Variants in FSTL5 observed in about 807,000 individuals in gnomAD.
FSTL5 encodes follistatin like 5.
Under a neutral mutation model 89.1 loss-of-function variants are expected in FSTL5, and 62 were observed. The observed-to-expected ratio is 0.70, with a 90% CI of 0.57 to 0.86. The LOEUF (loss-of-function observed/expected upper bound fraction) is 0.86. Ranked by LOEUF, FSTL5 falls within the 40% of genes least tolerant of loss-of-function variation. The pLI is 0.00. For missense variants in FSTL5, 1,057 were observed against 1,001.6 expected (o/e 1.06, Z -0.75); for synonymous variants, 383 against 346.2 (o/e 1.11, Z -1.18).
chr4:161,697,134 CT>C (rs1299746014), intron 6 of FSTL5, among the ~76,000 whole-genome samples: 1 of 152,200 alleles, frequency 6.6e-6, no homozygotes, highest in Admixed American at 6.5e-5. Flanking sequence ...TGTTGCCCAC[CT>C]AGGCATCTGT....
At chr4:161,521,848 C>CAAAAAA (rs11405532) in intron 10 of FSTL5, among the ~76,000 whole-genome samples, 4 of 58,158 alleles carry the variant, frequency 6.9e-5, no homozygotes, top group African/African-American at 1.9e-4. Flanking sequence ...GACTCCACCT[C>CAAAAAA]AAAAAAAAAA....
intron 1 of FSTL5, among the ~76,000 whole-genome samples, chr4:162,158,127 A>C (rs1377242981): frequency 6.6e-6 from 1 of 152,014 alleles, no homozygotes; most frequent in Non-Finnish European, 1.5e-5. Flanking sequence ...TATGAGTAGC[A>C]GTTGATACCA....
intron 4 of FSTL5, among the ~76,000 whole-genome samples, chr4:161,890,939 T>C (rs2110752397): frequency 6.6e-6 from 1 of 152,218 alleles, no homozygotes; most frequent in Non-Finnish European, 1.5e-5. Flanking sequence ...CAAAGGCAAC[T>C]AGTTTTAAAT....
chr4:162,136,330 A>G (rs1732520121), intron 1 of FSTL5, among the ~76,000 whole-genome samples: 1 of 152,078 alleles, frequency 6.6e-6, no homozygotes, highest in Non-Finnish European at 1.5e-5. Flanking sequence ...ATTAGAGGAA[A>G]AGGAGAGGAA....
At chr4:162,072,395 G>C (rs1729663782) in intron 2 of FSTL5, among the ~76,000 whole-genome samples, 1 of 151,596 alleles carries the variant, frequency 6.6e-6, no homozygotes, top group African/African-American at 2.4e-5. Context: ...ACAAAACAAA[G>C]TAATTTTAAA....
At chr4:161,573,694 T>C (rs1388962057) in intron 8 of FSTL5, among the ~76,000 whole-genome samples, 4 of 114,568 alleles carry the variant, frequency 3.5e-5, no homozygotes, top group African/African-American at 1.4e-4. Context: ...GATTGCACCA[T>C]TGCACTCCAG....
At chr4:162,052,808 A>G (rs543889978) in intron 2 of FSTL5, among the ~76,000 whole-genome samples, 1 of 151,838 alleles carries the variant, frequency 6.6e-6, no homozygotes, top group Non-Finnish European at 1.5e-5. Context: ...CTACTCTCTT[A>G]GTTTTCAAGT....
At chr4:161,577,870 A>T (rs1044661839) in intron 8 of FSTL5, among the ~76,000 whole-genome samples, 6 of 152,282 alleles carry the variant, frequency 3.9e-5, no homozygotes, top group East Asian at 3.9e-4. Flanking sequence ...ACTTAACTGA[A>T]AAAAGCAGAC....
intron 3 of FSTL5, among the ~76,000 whole-genome samples, chr4:161,944,300 G>A (rs1734676399): frequency 6.6e-6 from 1 of 151,492 alleles, no homozygotes; most frequent in South Asian, 2.1e-4. Context: ...TTCTGTGTTG[G>A]CCTCAGATTC....
chr4:161,902,204 ATCAGGTT>A (rs1186697173), intron 4 of FSTL5, among the ~76,000 whole-genome samples: 3 of 152,152 alleles, frequency 2.0e-5, no homozygotes, highest in Non-Finnish European at 4.4e-5. Flanking sequence ...AGTTTGTAAA[ATCAGGTT>A]AATATGTAAA....
intron 7 of FSTL5, among the ~76,000 whole-genome samples, chr4:161,589,603 C>A (rs1013657807): frequency 2.0e-5 from 3 of 152,100 alleles, no homozygotes; most frequent in Non-Finnish European, 2.9e-5. Context: ...CAGGAATCAG[C>A]CACCATACCT....
At chr4:161,457,212 A>G (rs1329944656) in intron 14 of FSTL5, among the ~76,000 whole-genome samples, 1 of 152,196 alleles carries the variant, frequency 6.6e-6, no homozygotes, top group Admixed American at 6.5e-5. Flanking sequence ...TCAAGCTTAT[A>G]TCTATATTCA....
intron 2 of FSTL5, among the ~76,000 whole-genome samples, chr4:162,037,786 T>C (rs1335909748): frequency 6.6e-6 from 1 of 151,890 alleles, no homozygotes; most frequent in East Asian, 1.9e-4. Flanking sequence ...AACTCCCGCA[T>C]TACTGTCAAA....
chr4:161,439,247 A>G (rs1177195962), intron 15 of FSTL5, among the ~76,000 whole-genome samples: 6 of 152,242 alleles, frequency 3.9e-5, no homozygotes, highest in African/African-American at 1.4e-4. Context: ...GCCTCTACAG[A>G]ACAAACAAAC....
chr4:161,701,340 CAA>C (rs1738382821), intron 6 of FSTL5, among the ~76,000 whole-genome samples: 1 of 152,074 alleles, frequency 6.6e-6, no homozygotes, highest in Non-Finnish European at 1.5e-5. Flanking sequence ...ATGTGGGTGA[CAA>C]AGATACTTGA....
At chr4:161,731,958 C>T (rs1012622983) in intron 6 of FSTL5, among the ~76,000 whole-genome samples, 1 of 152,020 alleles carries the variant, frequency 6.6e-6, no homozygotes, top group Non-Finnish European at 1.5e-5. Flanking sequence ...CTGCTATAAA[C>T]ATATGTTTTG....
chr4:161,469,724 G>A (rs879921572), intron 13 of FSTL5, among the ~76,000 whole-genome samples: 2 of 150,738 alleles, frequency 1.3e-5, no homozygotes, highest in Non-Finnish European at 2.9e-5. Context: ...TGGAAGCTCC[G>A]CCTCCCGGGT....
chr4:161,855,458 T>C (rs187151449), intron 4 of FSTL5, among the ~76,000 whole-genome samples: 2 of 152,218 alleles, frequency 1.3e-5, no homozygotes, highest in East Asian at 3.9e-4. Context: ...TAAATAATAA[T>C]TTGTTATAGA....
rs558798346 is a variant in FSTL5 at position 161,588,413 on chromosome 4, C to A, written c.895-838G>T. Reference sequence around the variant, plus strand: ...TAGAATAGCATTTATTTTCCAAGCCCAGATACCATCAACACATTTGAATAC... The same window carrying A: ...TAGAATAGCATTTATTTTCCAAGCCAAGATACCATCAACACATTTGAATAC... On this transcript the variant is annotated intron_variant, in intron 7 of 15. Transcript: ENST00000306100. Among the ~76,000 whole-genome samples the A allele has an allele frequency of 7.2e-5, 11 of 151,932 alleles. No homozygotes were observed. The South Asian group carries it at 2.3e-3, about 32-fold the overall frequency.
Sources: allele counts gnomAD v4.1 joint callset (sites outside exome capture counted in the v4.1 genomes callset), GRCh38; gene constraint gnomAD v4.1.1; transcripts MANE v1.5; gene names NCBI Gene and HGNC (gene_info 2026-07-23, HGNC 2026-07-21).